The following VTI1A variants were observed in gnomAD, a reference collection of about 807,000 sequenced individuals.
VTI1A encodes the protein vesicle transport through interaction with t-SNAREs homolog 1A.
In VTI1A, 22 loss-of-function variants were observed where a neutral mutation model predicts 34.9. The ratio of observed to expected loss-of-function variants is 0.63; its 90% CI spans 0.45 to 0.90. The LOEUF (loss-of-function observed/expected upper bound fraction) is 0.90, where lower values mean the gene tolerates loss of function less well. VTI1A is among the 40% of genes least tolerant of loss of function. The pLI, the probability that VTI1A is intolerant of heterozygous loss-of-function variation, is 0.00. For missense variants in VTI1A, 268 were observed against 275.6 expected (o/e 0.97, Z 0.20); for synonymous variants, 87 against 97.3 (o/e 0.89, Z 0.62).
At chr10:112,746,115 G>A (rs775317864) in intron 7 of VTI1A, among the ~76,000 whole-genome samples, 1 of 152,044 alleles carries the variant, frequency 6.6e-6, no homozygotes, top group Non-Finnish European at 1.5e-5. Flanking sequence ...ATCATATTTG[G>A]GCCAACTTCC....
chr10:112,705,204 T>A (rs777607905), intron 7 of VTI1A, among the ~76,000 whole-genome samples: 6 of 151,840 alleles, frequency 4.0e-5, no homozygotes, highest in Non-Finnish European at 7.4e-5. Context: ...GCCCAGCCCC[T>A]CTATTTTAGA....
intron 1 of VTI1A, among the ~76,000 whole-genome samples, chr10:112,455,921 G>A (rs1847507489): frequency 6.6e-6 from 1 of 151,896 alleles, no homozygotes; most frequent in African/African-American, 2.4e-5. Context: ...GGGAAGATTT[G>A]CCCCAGTCCT....
At chr10:112,482,543 T>A (rs1848488812) in intron 3 of VTI1A, among the ~76,000 whole-genome samples, 1 of 152,164 alleles carries the variant, frequency 6.6e-6, no homozygotes, top group Non-Finnish European at 1.5e-5. Context: ...CACTAATATT[T>A]AAAATATACC....
chr10:112,517,819 T>G (rs537708134), intron 3 of VTI1A, among the ~76,000 whole-genome samples: 32 of 152,100 alleles, frequency 2.1e-4, no homozygotes, highest in Middle Eastern at 3.4e-3. Flanking sequence ...CAAATAAGTC[T>G]GAGAAACTAC....
chr10:112,822,889 ATGG>A (rs1451621293), downstream of VTI1A, among the ~76,000 whole-genome samples: 1 of 152,224 alleles, frequency 6.6e-6, no homozygotes, highest in African/African-American at 2.4e-5. Flanking sequence ...CCGAAGACAC[ATGG>A]TGAAGAAGAT....
intron 7 of VTI1A, among the ~76,000 whole-genome samples, chr10:112,671,545 T>C (rs1847845976): frequency 6.6e-6 from 1 of 152,220 alleles, no homozygotes; most frequent in South Asian, 2.1e-4. Context: ...TTGCAGGTTA[T>C]TTTTAAAATT....
rs78169490 is a variant in VTI1A, at chr10:112,626,759, A to G, written c.428-41459A>G. Among the ~76,000 whole-genome samples the G allele has an allele frequency of 5.6e-3, 846 of 152,276 alleles. 5 individuals are homozygous for G. The highest frequency in any genetic ancestry group is 9.5e-3 in the Non-Finnish European group (643 of 67,998). On this transcript the variant is annotated intron_variant, in intron 5 of 7. Coordinates refer to ENST00000393077, the MANE Select transcript of VTI1A (RefSeq NM_145206.4). ...CTGCTCTTCAGGTACATTGGGGATGACTTTGTTTTCAGATAGCCTGCATTT... is the reference window on the plus strand; with the variant it reads ...CTGCTCTTCAGGTACATTGGGGATGGCTTTGTTTTCAGATAGCCTGCATTT...
In VTI1A at chr10:112,691,303, A is replaced by AAATAAATG. The variant is rs1411634018; in HGVS notation, c.560+22308_560+22309insAAATGAAT. Reference sequence around the variant, plus strand: ...TAAATAAATAAATAAATAAATAAATAAATGAAAGTTCCACAGATAATTGGT... The same window carrying AAATAAATG: ...TAAATAAATAAATAAATAAATAAATAAATAAATGAATGAAAGTTCCACAGATAATTGGT... On this transcript the variant is annotated intron_variant, in intron 7 of 7. Transcript: ENST00000393077. 1.0e-3 allele frequency among the ~76,000 whole-genome samples: 155 copies of AAATAAATG among 147,836 alleles called. 1 individual carries two copies. The highest frequency in any genetic ancestry group is 3.5e-3 in the African/African-American group (139 of 40,118).
chr10:112,479,361 TTC>T (rs1471637251), intron 3 of VTI1A, among the ~76,000 whole-genome samples: 2 of 151,566 alleles, frequency 1.3e-5, no homozygotes, highest in African/African-American at 4.9e-5. Flanking sequence ...TTTCTCTTGT[TTC>T]TCTCTCCCAC....
chr10:112,763,997 G>C lies in VTI1A; in HGVS notation c.561-51293G>C, dbSNP rs1851568275. On this transcript the variant is annotated intron_variant, in intron 7 of 7. Transcript: ENST00000393077. ...AAGAATATGTACAGTTTCAGGGAGA[G>C]AAAAAGAGAGAGGTGGAAGGAAATA... 1.3e-5 allele frequency among the ~76,000 whole-genome samples: 2 copies of C among 152,150 alleles called. 1 individual carries two copies. Among genetic ancestry groups the C allele is most frequent in the Admixed American group, 1.3e-4 (2 of 15,278 alleles).
At chr10:112,822,208 C>G (rs1853666477), downstream of VTI1A, among the ~76,000 whole-genome samples, 1 of 152,100 alleles carries the variant, frequency 6.6e-6, no homozygotes, top group Non-Finnish European at 1.5e-5. Flanking sequence ...TGGAGGTTGC[C>G]CCGTATCAGC....
intron 5 of VTI1A, among the ~76,000 whole-genome samples, chr10:112,650,154 A>G (rs1339641201): frequency 1.3e-5 from 2 of 152,244 alleles, no homozygotes; most frequent in African/African-American, 4.8e-5. Flanking sequence ...CTTAAAACAC[A>G]TTGTACAGCT....
intron 5 of VTI1A, among the ~76,000 whole-genome samples, chr10:112,563,567 C>T (rs550092499): frequency 6.6e-6 from 1 of 152,074 alleles, no homozygotes; most frequent in Non-Finnish European, 1.5e-5. Context: ...ATTGACCATT[C>T]GACTTGCGAG....
At chr10:112,452,340 C>T (rs1479274580) in intron 1 of VTI1A, among the ~76,000 whole-genome samples, 2 of 152,090 alleles carry the variant, frequency 1.3e-5, no homozygotes, top group African/African-American at 2.4e-5. Context: ...GAGGCCAAGG[C>T]GGGCAGATCA....
In VTI1A at chr10:112,726,201, C is replaced by T. The variant is rs150319092; in HGVS notation, c.560+57203C>T. ...TGGCCAGTGCTCCCTGTGATTCCAC[C>T]TCCTTCTCCAACCAGATCCTGCTGC... On this transcript the variant is annotated intron_variant, in intron 7 of 7. Transcript: ENST00000393077. 5.2e-3 allele frequency among the ~76,000 whole-genome samples: 799 copies of T among 152,234 alleles called. 7 individuals are homozygous for T. Among genetic ancestry groups the T allele is most frequent in the African/African-American group, 0.019 (769 of 41,504 alleles).
intron 7 of VTI1A, among the ~76,000 whole-genome samples, chr10:112,731,741 A>G (rs1260550881): frequency 2.0e-5 from 3 of 152,176 alleles, no homozygotes; most frequent in Non-Finnish European, 4.4e-5. Flanking sequence ...CCTTTTGTAG[A>G]TTACTTTCAT....
At chr10:112,566,506 G>T (rs894108107) in intron 5 of VTI1A, among the ~76,000 whole-genome samples, 3 of 152,190 alleles carry the variant, frequency 2.0e-5, no homozygotes, top group Non-Finnish European at 1.5e-5. Flanking sequence ...CAGATCGGCA[G>T]ATTCTAGAAA....
intron 5 of VTI1A, among the ~76,000 whole-genome samples, chr10:112,624,974 T>C (rs1167185993): frequency 1.3e-5 from 2 of 152,084 alleles, no homozygotes; most frequent in African/African-American, 2.4e-5. Context: ...GGCACACACC[T>C]ATAGTCCTAG....
At chr10:112,452,758 CTT>C (rs1160146639) in intron 1 of VTI1A, among the ~76,000 whole-genome samples, 17 of 148,220 alleles carry the variant, frequency 1.1e-4, no homozygotes, top group African/African-American at 4.2e-4. Context: ...TTTAAATAAA[CTT>C]TTTATTTTAG....
Sources: allele counts gnomAD v4.1 joint callset (sites outside exome capture counted in the v4.1 genomes callset), GRCh38; gene constraint gnomAD v4.1.1; transcripts MANE v1.5; gene names NCBI Gene and HGNC (gene_info 2026-07-23, HGNC 2026-07-21).